Variants in UBE2L3 observed in about 807,000 individuals in gnomAD.
The protein encoded by UBE2L3 is ubiquitin conjugating enzyme E2 L3.
UBE2L3 carries 1 observed loss-of-function variant against 17.8 expected under a neutral mutation model. The observed-to-expected ratio is 0.06, with a 90% CI of 0.02 to 0.27. The LOEUF (loss-of-function observed/expected upper bound fraction) is 0.27, where lower values mean the gene tolerates loss of function less well. Ranked by LOEUF, UBE2L3 falls within the 10% of genes least tolerant of loss-of-function variation. The pLI, the probability that UBE2L3 is intolerant of heterozygous loss-of-function variation, is 1.00. For synonymous variants in UBE2L3, 44 were observed against 68.5 expected (o/e 0.64, Z 1.76); for missense variants, 40 against 192.6 (o/e 0.21, Z 4.69).
chr22:21,569,437 G>A (rs1179372056), intron 1 of UBE2L3, among the ~76,000 whole-genome samples: 1 of 149,922 alleles, frequency 6.7e-6, no homozygotes, highest in South Asian at 2.1e-4. Flanking sequence ...TGCATGCCTT[G>A]CTTTCTAATG....
chr22:21,615,664 G>A (rs1013324395), intron 3 of UBE2L3, among the ~76,000 whole-genome samples: 4 of 152,090 alleles, frequency 2.6e-5, no homozygotes, highest in East Asian at 1.9e-4. Context: ...TAGAGTCTGC[G>A]TTTGCGAATT....
At chr22:21,613,545 C>T (rs1929612440) in intron 3 of UBE2L3, among the ~76,000 whole-genome samples, 1 of 152,202 alleles carries the variant, frequency 6.6e-6, no homozygotes, top group African/African-American at 2.4e-5. Flanking sequence ...CCTTGATCCC[C>T]ATCCTCACAT....
At chr22:21,606,313 GTA>G (rs112358295) in intron 2 of UBE2L3, among the ~76,000 whole-genome samples, 124 of 129,552 alleles carry the variant, frequency 9.6e-4, no homozygotes, top group Non-Finnish European at 1.3e-3. Flanking sequence ...CGTGTGTGTG[GTA>G]TGTGTGTGTG....
At position 21,616,792 on chromosome 22, in the gene UBE2L3, A is replaced by G. The variant is rs544127008; in HGVS notation, c.311-4723A>G. ...ATTCCATGGAAGGCTACAACATTGC[A>G]TATCTTTTTGGGTTGAAGGTACATT... On this transcript the variant is annotated intron_variant, in intron 3 of 3. Coordinates refer to ENST00000342192, the MANE Select transcript of UBE2L3 (RefSeq NM_003347.4). 3.3e-5 allele frequency among the ~76,000 whole-genome samples: 5 copies of G among 151,930 alleles called. No homozygotes were observed. The South Asian group carries it at 8.3e-4, about 25-fold the overall frequency.
At chr22:21,573,036 T>G (rs898654738) in intron 1 of UBE2L3, among the ~76,000 whole-genome samples, 1 of 152,136 alleles carries the variant, frequency 6.6e-6, no homozygotes, top group Non-Finnish European at 1.5e-5. Context: ...GTTCAGGCCA[T>G]CCCTGTTTGT....
chr22:21,589,677 C>T (rs1188219633), intron 1 of UBE2L3, among the ~76,000 whole-genome samples: 1 of 152,136 alleles, frequency 6.6e-6, no homozygotes, highest in Non-Finnish European at 1.5e-5. Flanking sequence ...TGTTGAGAAA[C>T]TTTCTACTAT....
intron 2 of UBE2L3, among the ~76,000 whole-genome samples, chr22:21,594,095 C>A (rs530580167): frequency 6.6e-6 from 1 of 152,226 alleles, no homozygotes; most frequent in African/African-American, 2.4e-5. Flanking sequence ...TGCGTGAGTG[C>A]CCTCCTTTCC....
In UBE2L3 at chr22:21,594,971, C is replaced by T. The variant is rs188722269; in HGVS notation, c.123+2015C>T. On this transcript the variant is annotated intron_variant, in intron 2 of 3. Transcript: ENST00000342192. ...CCCTGAGAATTTAGTGGCCTGAGAG[C>T]CTGCTAGCCAGCTCCACGGGTAGAT... is the stretch of plus-strand genomic sequence containing the variant. Among the ~76,000 whole-genome samples the T allele has an allele frequency of 2.8e-3, 432 of 152,310 alleles. 8 individuals are homozygous for T. Among genetic ancestry groups the T allele is most frequent in the East Asian group, 1.7e-3 (9 of 5,190 alleles).
At chr22:21,563,018 C>T (rs1306372573), upstream of UBE2L3, among the ~76,000 whole-genome samples, 5 of 151,260 alleles carry the variant, frequency 3.3e-5, no homozygotes, top group Non-Finnish European at 5.9e-5. Flanking sequence ...CCGAAATGGG[C>T]GGATCAGGAG....
intron 2 of UBE2L3, among the ~76,000 whole-genome samples, chr22:21,609,665 G>A (rs965069485): frequency 5.3e-5 from 8 of 152,022 alleles, no homozygotes; most frequent in Admixed American, 1.3e-4. Context: ...CCAAGATCAC[G>A]CCACCATCCA....
At chr22:21,560,312 T>G (rs1926386943) in intron 1 of UBE2L3, among the ~76,000 whole-genome samples, 1 of 152,242 alleles carries the variant, frequency 6.6e-6, no homozygotes, top group African/African-American at 2.4e-5. Context: ...TCCCTGAGCC[T>G]TTGAACAAGC....
At chr22:21,607,350 T>C (rs1396110848) in intron 2 of UBE2L3, among the ~76,000 whole-genome samples, 22 of 143,564 alleles carry the variant, frequency 1.5e-4, no homozygotes, top group Non-Finnish European at 1.2e-4. Context: ...CTACTAAAAA[T>C]ACAAAAAAAA....
At chr22:21,620,239 T>C (rs960708404) in intron 3 of UBE2L3, among the ~76,000 whole-genome samples, 2 of 151,882 alleles carry the variant, frequency 1.3e-5, no homozygotes, top group East Asian at 1.9e-4. Context: ...TGAGCTGTGA[T>C]TGCACCACTG....
chr22:21,560,446 A>ATT (rs59968738), intron 1 of UBE2L3, among the ~76,000 whole-genome samples: 112 of 126,222 alleles, frequency 8.9e-4, no homozygotes, highest in East Asian at 2.4e-3. Flanking sequence ...CTTTAGATCT[A>ATT]TTTTTTTTTT....
At chr22:21,574,084 C>T (rs1184576349) in intron 1 of UBE2L3, among the ~76,000 whole-genome samples, 2 of 152,164 alleles carry the variant, frequency 1.3e-5, no homozygotes, top group Non-Finnish European at 2.9e-5. Context: ...ATGCCACTCA[C>T]TCAGAAAGGG....
In UBE2L3 at chr22:21,568,044, G is replaced by T. The variant is rs1033981703; in HGVS notation, c.27+273G>T. The T allele has an allele frequency of 2.3e-6, 3 of 1,284,622 alleles. No homozygotes were observed. The African/African-American group carries it at 4.7e-5, about 20-fold the overall frequency. 79.6% of individuals were successfully genotyped at this position (1,284,622 alleles called of 1,614,324 possible). A position where few individuals can be genotyped will look rare whatever the true frequency, so the allele number is the denominator to read the frequency against. On this transcript the variant is annotated intron_variant, in intron 1 of 3. Coordinates refer to ENST00000342192, the MANE Select transcript of UBE2L3 (RefSeq NM_003347.4). The stretch of plus-strand genomic sequence containing the variant: ...CACTCTCCGCCCGGAGCTTGGCCGC[G>T]TCCCCCTGTCGCGGAGGCCGCGGTC...
chr22:21,596,650 C>G (rs187587170), intron 2 of UBE2L3, among the ~76,000 whole-genome samples: 1 of 152,174 alleles, frequency 6.6e-6, no homozygotes, highest in East Asian at 1.9e-4. Context: ...GCAATTTTGG[C>G]TAATTTTTGT....
chr22:21,575,258 CA>C (rs999280735), intron 1 of UBE2L3, among the ~76,000 whole-genome samples: 7,844 of 52,582 alleles, frequency 0.15, 845 homozygotes, highest in African/African-American at 0.38. Flanking sequence ...GACTCCATCT[CA>C]AAAAAAAAAA....
chr22:21,612,774 G>A (rs374261133), intron 3 of UBE2L3, among the ~76,000 whole-genome samples: 3 of 145,966 alleles, frequency 2.1e-5, no homozygotes, highest in Non-Finnish European at 4.5e-5. Flanking sequence ...CTCCTGAGTA[G>A]CTGGGATTAC....
Sources: allele counts gnomAD v4.1 joint callset (sites outside exome capture counted in the v4.1 genomes callset), GRCh38; gene constraint gnomAD v4.1.1; transcripts MANE v1.5; gene names NCBI Gene and HGNC (gene_info 2026-07-23, HGNC 2026-07-21).